Variants in C13orf42 observed in about 807,000 individuals in gnomAD.
C13orf42 encodes the protein chromosome 13 open reading frame 42, also known as uncharacterized protein C13orf42.
Position 51,103,308 on chromosome 13 carries a change from A to AC in C13orf42, c.414+7487dup, listed in dbSNP as rs1404167549. ...GTGTGGGGAGCTGTCCTCAGGGAGG[A>AC]CCCCAAATGCCAGCAAGCACTCTAG... On this transcript the variant is annotated intron_variant, in intron 1 of 3. Coordinates refer to ENST00000563710, the MANE Select transcript of C13orf42 (RefSeq NM_001351589.3). Among the ~76,000 whole-genome samples the AC allele has an allele frequency of 4.6e-5, 7 of 152,010 alleles. No individual in the cohort carries two copies. The South Asian group carries it at 8.3e-4, about 18-fold the overall frequency.
intron 1 of C13orf42, among the ~76,000 whole-genome samples, chr13:51,144,868 T>G (rs944152126): frequency 1.3e-5 from 2 of 152,220 alleles, no homozygotes; most frequent in Non-Finnish European, 2.9e-5. Context: ...AAAGCCAATT[T>G]AAAAGCCTAT....
chr13:51,140,030 G>A (rs914961552), intron 1 of C13orf42, among the ~76,000 whole-genome samples: 3 of 152,046 alleles, frequency 2.0e-5, no homozygotes, highest in African/African-American at 7.2e-5. Flanking sequence ...AAATCACGAA[G>A]GAAAACTCAA....
chr13:51,109,625 G>T (rs1327821573), intron 1 of C13orf42, among the ~76,000 whole-genome samples: 5 of 152,056 alleles, frequency 3.3e-5, no homozygotes, highest in African/African-American at 1.2e-4. Context: ...GTGGTGGCAG[G>T]TGCCTGTAGT....
chr13:51,168,344 G>A (rs149316020), intron 1 of C13orf42, among the ~76,000 whole-genome samples: 42 of 152,332 alleles, frequency 2.8e-4, no homozygotes, highest in African/African-American at 9.9e-4. Context: ...CTATCTCCTA[G>A]TAACTGTTGT....
intron 1 of C13orf42, among the ~76,000 whole-genome samples, chr13:51,103,247 T>C (rs964153396): frequency 2.0e-5 from 3 of 152,150 alleles, no homozygotes; most frequent in African/African-American, 7.2e-5. Context: ...TTTCTCAAAG[T>C]GGCCTGTGGT....
At chr13:51,116,260 G>A (rs1309274556), upstream of C13orf42, among the ~76,000 whole-genome samples, 1 of 152,310 alleles carries the variant, frequency 6.6e-6, no homozygotes, top group East Asian at 1.9e-4. Flanking sequence ...CTGACAATGG[G>A]AGGTAGGGTA....
chr13:51,106,455 A>C (rs1418860435), intron 1 of C13orf42, among the ~76,000 whole-genome samples: 2 of 152,218 alleles, frequency 1.3e-5, no homozygotes, highest in African/African-American at 2.4e-5. Context: ...TTCCAGTCAA[A>C]GTGGATACAT....
intron 1 of C13orf42, among the ~76,000 whole-genome samples, chr13:51,134,158 G>A (rs566923737): frequency 6.6e-6 from 1 of 152,248 alleles, no homozygotes; most frequent in South Asian, 2.1e-4. Context: ...AAAAATAGCA[G>A]CAATCTAGCC....
chr13:51,137,804 T>C (rs1953668934), intron 1 of C13orf42, among the ~76,000 whole-genome samples: 1 of 152,230 alleles, frequency 6.6e-6, no homozygotes, highest in South Asian at 2.1e-4. Context: ...AGTGGGTTCA[T>C]GGATTTTTCA....
intron 1 of C13orf42, among the ~76,000 whole-genome samples, chr13:51,141,528 A>G (rs2138030431): frequency 6.6e-6 from 1 of 152,310 alleles, no homozygotes; most frequent in South Asian, 2.1e-4. Flanking sequence ...GGCTAGGTGC[A>G]GTGGCTCACA....
chr13:51,149,283 T>C (rs1953760973), intron 1 of C13orf42, among the ~76,000 whole-genome samples: 1 of 151,006 alleles, frequency 6.6e-6, no homozygotes, highest in African/African-American at 2.4e-5. Context: ...AGGGAAATCT[T>C]TTATAGGAAG....
chr13:51,169,536 G>A (rs892809755), intron 1 of C13orf42, among the ~76,000 whole-genome samples: 6 of 152,224 alleles, frequency 3.9e-5, no homozygotes, highest in Non-Finnish European at 8.8e-5. Context: ...AGGCATTTCA[G>A]AGGTCTTTGC....
At chr13:51,088,460 T>C (rs1267136175) in intron 1 of C13orf42, among the ~76,000 whole-genome samples, 3 of 152,094 alleles carry the variant, frequency 2.0e-5, no homozygotes, top group Non-Finnish European at 2.9e-5. Flanking sequence ...AAAGAGATGA[T>C]AGATCTCCAG....
chr13:51,114,768 G>T (rs1024193761), upstream of C13orf42, among the ~76,000 whole-genome samples: 1 of 152,148 alleles, frequency 6.6e-6, no homozygotes, highest in African/African-American at 2.4e-5. Context: ...GAGTAATGCT[G>T]CAATGTGCAG....
At chr13:51,159,178 C>T (rs988971757) in intron 1 of C13orf42, among the ~76,000 whole-genome samples, 1 of 152,190 alleles carries the variant, frequency 6.6e-6, no homozygotes, top group African/African-American at 2.4e-5. Context: ...ATTTTCCCCA[C>T]TAAATGAAAA....
chr13:51,100,163 GTT>G (rs1264253585), intron 1 of C13orf42, among the ~76,000 whole-genome samples: 2 of 150,360 alleles, frequency 1.3e-5, no homozygotes, highest in African/African-American at 4.9e-5. Context: ...AAAGGGATTG[GTT>G]TTTTTTAAAA....
chr13:51,087,655 A>G (rs978555186), intron 2 of C13orf42, among the ~76,000 whole-genome samples: 5 of 152,210 alleles, frequency 3.3e-5, no homozygotes, highest in Non-Finnish European at 7.3e-5. Context: ...TAAGTGGACC[A>G]CAGGGAAAAC....
intron 2 of C13orf42, among the ~76,000 whole-genome samples, chr13:51,086,171 G>C (rs1197988484): frequency 6.6e-6 from 1 of 152,152 alleles, no homozygotes; most frequent in Admixed American, 6.5e-5. Context: ...GCCGGGCGTG[G>C]TGGTGAGCGC....
intron 1 of C13orf42, among the ~76,000 whole-genome samples, 169 bp downstream of exon 1, chr13:51,110,627 T>C (rs531510361): frequency 5.4e-4 from 83 of 152,350 alleles, no homozygotes; most frequent in Middle Eastern, 3.4e-3. Flanking sequence ...TTAGCCACCC[T>C]TCCCCAGGCT....
Sources: gnomAD v4.1 joint callset for allele counts (sites outside exome capture counted in the v4.1 genomes callset) on GRCh38, gnomAD v4.1.1 for gene constraint, MANE v1.5 for transcripts, NCBI Gene and HGNC (gene_info 2026-07-23, HGNC 2026-07-21) for gene names.